The following SLC16A10 variants were observed in gnomAD, a reference collection of about 807,000 sequenced individuals.
SLC16A10 encodes monocarboxylate transporter 10.
In SLC16A10, 27 loss-of-function variants were observed where a neutral mutation model predicts 40.0. The observed-to-expected ratio is 0.67, with a 90% CI of 0.50 to 0.93. SLC16A10 has a LOEUF of 0.93. Ranked by LOEUF, SLC16A10 falls within the 40% of genes least tolerant of loss-of-function variation. The pLI, the probability that SLC16A10 is intolerant of heterozygous loss-of-function variation, is 0.00. For synonymous variants in SLC16A10, 213 were observed against 249.8 expected (o/e 0.85, Z 1.39); for missense variants, 529 against 658.2 (o/e 0.80, Z 2.15).
rs569464790 is a variant in SLC16A10 at position 111,106,604 on chromosome 6, C to A, written c.343+18509C>A. Among the ~76,000 whole-genome samples the A allele has an allele frequency of 1.1e-4, 17 of 152,254 alleles. No homozygotes were observed. The South Asian group carries it at 2.7e-3, about 24-fold the overall frequency. ...TTACTTGAGAGGATAAATTAATCAG[C>A]GGTCACTAATCTTTGGATAATCACT... On this transcript the variant is annotated intron_variant, in intron 1 of 5. Coordinates refer to ENST00000368851, the MANE Select transcript of SLC16A10 (RefSeq NM_018593.5).
chr6:111,211,623 G>A (rs1773347699), intron 4 of SLC16A10, among the ~76,000 whole-genome samples: 1 of 152,204 alleles, frequency 6.6e-6, no homozygotes, highest in Non-Finnish European at 1.5e-5. Flanking sequence ...AGTGTGTCCT[G>A]TGGTTGCGAG....
intron 1 of SLC16A10, among the ~76,000 whole-genome samples, chr6:111,115,589 A>G (rs1771471455): frequency 6.6e-6 from 1 of 152,250 alleles, no homozygotes; most frequent in Non-Finnish European, 1.5e-5. Context: ...ATAAGCAGTG[A>G]GAAATGTTTC....
rs754925006 is a variant in SLC16A10 at position 111,177,397 on chromosome 6, T to C, written c.674T>C (p.Ile225Thr). Residue 225 changes from isoleucine (I) to threonine (T), a missense_variant, in exon 3 of 6, where the codon ATT becomes ACT. By Grantham distance (89) the Ile-to-Thr change is moderately conservative. Transcript: ENST00000368851. ...CTGCCTTTGCTCTTAAGGGTTCTGA[T>C]TGACAGCGTGGGCCTCTTTTACACA... is the stretch of plus-strand genomic sequence containing the variant. ...ILLPLLLRVL[I>T]DSVGLFYTLR... 1 of 1,614,092 alleles carries C rather than the reference T, an allele frequency of 6.2e-7. No homozygotes were observed. The highest frequency in any genetic ancestry group is 1.7e-5 in the Admixed American group (1 of 59,990).
intron 1 of SLC16A10, among the ~76,000 whole-genome samples, chr6:111,128,672 T>TC (rs909965242): frequency 6.6e-6 from 1 of 152,112 alleles, no homozygotes; most frequent in African/African-American, 2.4e-5. Flanking sequence ...ACCTCTGTAT[T>TC]CAAAAGAGAG....
At chr6:111,142,025 A>ACTT (rs10636967) in intron 1 of SLC16A10, among the ~76,000 whole-genome samples, 124,412 of 151,698 alleles carry the variant, frequency 0.82, 51,173 homozygotes, top group Non-Finnish European at 0.86. Context: ...TAAAGTCTCT[A>ACTT]CTTCTTCTTC....
At chr6:111,153,042 T>A (rs1331979537) in intron 1 of SLC16A10, among the ~76,000 whole-genome samples, 1 of 152,112 alleles carries the variant, frequency 6.6e-6, no homozygotes, top group Non-Finnish European at 1.5e-5. Context: ...GGTAATTAAG[T>A]GCTGGGGAAG....
rs777521825 is a variant in SLC16A10, at chr6:111,107,888, AAAAC to A, written c.343+19801_343+19804del. ...TGAGAAAATTAGCCAAAGTTTTAGC[AAAAC>A]AAACAAATACCCAGGGAAGCTTTAC... On this transcript the variant is annotated intron_variant, in intron 1 of 5. Coordinates refer to ENST00000368851, the MANE Select transcript of SLC16A10 (RefSeq NM_018593.5). 6.6e-5 allele frequency among the ~76,000 whole-genome samples: 10 copies of A among 152,230 alleles called. 1 individual carries two copies. The highest frequency in any genetic ancestry group is 5.2e-4 in the Admixed American group (8 of 15,272).
chr6:111,166,162 C>G (rs1461394434), intron 1 of SLC16A10, among the ~76,000 whole-genome samples: 2 of 7,186 alleles, frequency 2.8e-4, no homozygotes, highest in Non-Finnish European at 5.4e-4. Flanking sequence ...TTCCATTAAT[C>G]AAAACTACAG....
chr6:111,134,459 T>C (rs1478415751), intron 1 of SLC16A10, among the ~76,000 whole-genome samples: 1 of 152,092 alleles, frequency 6.6e-6, no homozygotes, highest in African/African-American at 2.4e-5. Context: ...AAAGTCCGCC[T>C]TAGGCCCGGA....
At chr6:111,137,488 C>G (rs1447051913) in intron 1 of SLC16A10, among the ~76,000 whole-genome samples, 1 of 152,196 alleles carries the variant, frequency 6.6e-6, no homozygotes, top group African/African-American at 2.4e-5. Flanking sequence ...TTAAGTTTGT[C>G]TCTTACAGAA....
chr6:111,180,458 A>T (rs2114552116), intron 3 of SLC16A10, among the ~76,000 whole-genome samples: 1 of 152,334 alleles, frequency 6.6e-6, no homozygotes, highest in African/African-American at 2.4e-5. Context: ...CTGGGGTGGA[A>T]GGATCGCATG....
intron 3 of SLC16A10, chr6:111,178,524 A>C: frequency 2.1e-6 from 1 of 477,702 alleles, no homozygotes. Flanking sequence ...CAGCGTGGGC[A>C]ACATAAGGAG....
At chr6:111,183,160 C>T (rs1028839353) in intron 3 of SLC16A10, among the ~76,000 whole-genome samples, 2 of 152,174 alleles carry the variant, frequency 1.3e-5, no homozygotes, top group African/African-American at 2.4e-5. Flanking sequence ...ACTACCTCTC[C>T]GAGCTTCCAT....
At chr6:111,147,985 A>C (rs1772109100) in intron 1 of SLC16A10, among the ~76,000 whole-genome samples, 1 of 152,180 alleles carries the variant, frequency 6.6e-6, no homozygotes, top group Non-Finnish European at 1.5e-5. Context: ...CTTATTGATC[A>C]TCAGTGTACC....
intron 1 of SLC16A10, among the ~76,000 whole-genome samples, chr6:111,103,006 A>G (rs1771216276): frequency 6.6e-6 from 1 of 152,134 alleles, no homozygotes; most frequent in Non-Finnish European, 1.5e-5. Context: ...CCCAGGCTCA[A>G]GTGATCCTCC....
At chr6:111,096,058 C>T (rs1224783624) in intron 1 of SLC16A10, among the ~76,000 whole-genome samples, 1 of 152,142 alleles carries the variant, frequency 6.6e-6, no homozygotes, top group East Asian at 1.9e-4. Flanking sequence ...TCAGTATTTA[C>T]TTTTATTAAG....
At chr6:111,100,608 C>T (rs983878988) in intron 1 of SLC16A10, among the ~76,000 whole-genome samples, 2 of 151,938 alleles carry the variant, frequency 1.3e-5, no homozygotes, top group African/African-American at 2.4e-5. Flanking sequence ...AGGATGATCT[C>T]GATATCTTGA....
In SLC16A10 at chr6:111,221,145, GTATAAGT is replaced by G. The variant is rs1447647574; in HGVS notation, c.1316-851_1316-845del. Among the ~76,000 whole-genome samples the G allele has an allele frequency of 2.0e-5, 3 of 152,138 alleles. No individual in the cohort carries two copies. In the East Asian group the frequency reaches 5.8e-4, roughly 29 times the overall value. On this transcript the variant is annotated intron_variant, in intron 5 of 5. Coordinates refer to ENST00000368851, the MANE Select transcript of SLC16A10 (RefSeq NM_018593.5). Reference sequence around the variant, plus strand: ...CATTTTAGATAACTTAGGTTTTATAGTATAAGTTATAAGAGTTTAAAAACACTAAGAT... The same window carrying G: ...CATTTTAGATAACTTAGGTTTTATAGTATAAGAGTTTAAAAACACTAAGAT...
chr6:111,142,373 G>T lies in SLC16A10; in HGVS notation c.344-30322G>T, dbSNP rs189972679. Reference sequence around the variant, plus strand: ...CCTTCACAAAAATGAACACAAAATGGATCATCAACCTAGACATGAAACACA... The same window carrying T: ...CCTTCACAAAAATGAACACAAAATGTATCATCAACCTAGACATGAAACACA... On this transcript the variant is annotated intron_variant, in intron 1 of 5. Transcript: ENST00000368851. Among the ~76,000 whole-genome samples the T allele has an allele frequency of 3.9e-5, 6 of 152,222 alleles. No individual in the cohort carries two copies. The East Asian group carries it at 7.7e-4, about 20-fold the overall frequency.
Sources: allele counts gnomAD v4.1 joint callset (sites outside exome capture counted in the v4.1 genomes callset), GRCh38; gene constraint gnomAD v4.1.1; transcripts MANE v1.5; gene names NCBI Gene and HGNC (gene_info 2026-07-23, HGNC 2026-07-21).